AFG1L: variants seen among roughly 807,000 people sequenced by gnomAD.
The protein encoded by AFG1L is AFG1-like ATPase.
Under a neutral mutation model 62.2 loss-of-function variants are expected in AFG1L, and 53 were observed. The ratio of observed to expected loss-of-function variants is 0.85; its 90% CI spans 0.68 to 1.07. The LOEUF (loss-of-function observed/expected upper bound fraction) is 1.07. AFG1L is among the 50% of genes least tolerant of loss of function. The pLI is 0.00. For missense variants in AFG1L, 555 were observed against 590.5 expected (o/e 0.94, Z 0.62); for synonymous variants, 228 against 210.3 (o/e 1.08, Z -0.73).
intron 7 of AFG1L, among the ~76,000 whole-genome samples, chr6:108,443,601 G>A (rs148116760): frequency 6.0e-4 from 92 of 152,252 alleles, no homozygotes; most frequent in Non-Finnish European, 1.0e-3. Flanking sequence ...TTGACTGGGC[G>A]TGGTAGCTCA....
chr6:108,430,918 C>T (rs970847035), intron 7 of AFG1L, among the ~76,000 whole-genome samples: 2 of 152,010 alleles, frequency 1.3e-5, no homozygotes, highest in African/African-American at 4.8e-5. Flanking sequence ...TTTTCCACTC[C>T]CATGCCAAAT....
intron 8 of AFG1L, among the ~76,000 whole-genome samples, chr6:108,467,674 A>C (rs1772728903): frequency 6.6e-6 from 1 of 152,224 alleles, no homozygotes; most frequent in Admixed American, 6.5e-5. Flanking sequence ...GTCACAGTAC[A>C]TTGATTTATA....
chr6:108,322,108 A>G (rs1480444781), intron 1 of AFG1L, among the ~76,000 whole-genome samples: 4 of 152,074 alleles, frequency 2.6e-5, no homozygotes, highest in East Asian at 1.9e-4. Flanking sequence ...AGGTCCTACT[A>G]TGTTGCCCAG....
intron 2 of AFG1L, among the ~76,000 whole-genome samples, chr6:108,326,698 G>A (rs192384072): frequency 3.5e-4 from 54 of 152,276 alleles, no homozygotes; most frequent in African/African-American, 1.3e-3. Context: ...AGTGGCTCAC[G>A]CCTGTAATCC....
At chr6:108,371,704 G>A (rs1380543108) in intron 6 of AFG1L, among the ~76,000 whole-genome samples, 1 of 151,754 alleles carries the variant, frequency 6.6e-6, no homozygotes, top group Non-Finnish European at 1.5e-5. Context: ...TTTGTTTTTT[G>A]GTCTCTAGGG....
At chr6:108,469,136 T>C (rs1021345610) in intron 8 of AFG1L, among the ~76,000 whole-genome samples, 1 of 152,208 alleles carries the variant, frequency 6.6e-6, no homozygotes, top group Non-Finnish European at 1.5e-5. Context: ...TTTTATTGAT[T>C]GGTGGGCTTC....
At chr6:108,358,541 A>AT (rs1173035214) in intron 5 of AFG1L, among the ~76,000 whole-genome samples, 1 of 151,694 alleles carries the variant, frequency 6.6e-6, no homozygotes, top group African/African-American at 2.4e-5. Context: ...TTTTATTTTT[A>AT]TTTTTTTTGA....
chr6:108,423,237 A>G (rs1174112151), intron 7 of AFG1L, among the ~76,000 whole-genome samples: 2 of 152,130 alleles, frequency 1.3e-5, no homozygotes, highest in Non-Finnish European at 2.9e-5. Flanking sequence ...GATTCATGAA[A>G]CTGTCTTAGA....
chr6:108,385,075 C>T (rs943717046), intron 6 of AFG1L, among the ~76,000 whole-genome samples: 2 of 152,144 alleles, frequency 1.3e-5, no homozygotes, highest in Admixed American at 1.3e-4. Flanking sequence ...ATTCCAGAAA[C>T]TTAGTGAACT....
intron 5 of AFG1L, among the ~76,000 whole-genome samples, chr6:108,358,221 T>C (rs891325892): frequency 6.6e-6 from 1 of 152,246 alleles, no homozygotes; most frequent in Non-Finnish European, 1.5e-5. Context: ...TCTCTTGATT[T>C]TCCATTACTA....
chr6:108,497,845 T>C (rs371315035), intron 10 of AFG1L, among the ~76,000 whole-genome samples: 1 of 152,220 alleles, frequency 6.6e-6, no homozygotes. Context: ...GTAGCAAGTA[T>C]AGTGTTTTCG....
At chr6:108,376,316 T>G (rs898547928) in intron 6 of AFG1L, among the ~76,000 whole-genome samples, 1 of 152,106 alleles carries the variant, frequency 6.6e-6, no homozygotes, top group African/African-American at 2.4e-5. Context: ...TTTTGTTCAG[T>G]TGTGCTCTGA....
intron 2 of AFG1L, among the ~76,000 whole-genome samples, chr6:108,329,056 C>T (rs779324575): frequency 6.6e-6 from 1 of 151,638 alleles, no homozygotes; most frequent in Non-Finnish European, 1.5e-5. Flanking sequence ...TAGTATTTGT[C>T]TTATTCCCTC....
chr6:108,524,149 T>G lies in AFG1L; in HGVS notation c.*1724T>G, dbSNP rs527373358. The G allele has an allele frequency of 1.3e-5, 2 of 152,236 alleles. No individual in the cohort carries two copies. The highest frequency in any genetic ancestry group is 4.8e-5 in the African/African-American group (2 of 41,464). The allele number at this position is 152,236 out of a possible 1,614,324, so 9.4% of individuals were successfully genotyped here. On this transcript the variant is annotated 3_prime_UTR_variant, in exon 13 of 13. Coordinates refer to ENST00000368977, the MANE Select transcript of AFG1L (RefSeq NM_145315.5). Reference sequence around the variant, plus strand: ...AAAAAAAAGAGATTGTTTTAAAAATTGATTCATTTAACTCAGTGAATGAAG... The same window carrying G: ...AAAAAAAAGAGATTGTTTTAAAAATGGATTCATTTAACTCAGTGAATGAAG...
At chr6:108,463,081 G>A (rs565366644) in intron 8 of AFG1L, among the ~76,000 whole-genome samples, 43 of 152,094 alleles carry the variant, frequency 2.8e-4, no homozygotes, top group Middle Eastern at 6.8e-3. Flanking sequence ...ATTGAGGTCA[G>A]GAGTTCAAGA....
At chr6:108,355,598 A>G (rs1779242066) in intron 3 of AFG1L, 56 bp from the exon 4 acceptor site, 2 of 853,570 alleles carry the variant, frequency 2.3e-6, no homozygotes, top group Non-Finnish European at 3.6e-6. Flanking sequence ...AACAATCATT[A>G]CAGCAATCAG....
chr6:108,525,656 A>C lies in AFG1L; in HGVS notation c.*3231A>C, dbSNP rs1267180047. The C allele has an allele frequency of 6.6e-6, 1 of 152,252 alleles. No homozygotes were observed. Among genetic ancestry groups the C allele is most frequent in the Non-Finnish European group, 1.5e-5 (1 of 68,042 alleles). The allele number at this position is 152,252 out of a possible 1,614,324, so 9.4% of individuals were successfully genotyped here. On this transcript the variant is annotated 3_prime_UTR_variant, in exon 13 of 13. Coordinates refer to ENST00000368977, the MANE Select transcript of AFG1L (RefSeq NM_145315.5). ...AATAAACTCTTTTGATCCATATAAC[A>C]GTCTTATGAGATAGGTGCCATTATA... is the stretch of plus-strand genomic sequence containing the variant.
chr6:108,476,798 C>T, intron 8 of AFG1L, 67 bp from the exon 9 acceptor site: 1 of 1,138,334 alleles, frequency 8.8e-7, no homozygotes, highest in Non-Finnish European at 1.3e-6. Context: ...TAAGCAGTCT[C>T]AGGCAGCTGT....
At chr6:108,367,716 G>A (rs1054787590) in intron 6 of AFG1L, among the ~76,000 whole-genome samples, 1 of 152,174 alleles carries the variant, frequency 6.6e-6, no homozygotes, top group African/African-American at 2.4e-5. Context: ...CTGGGCTGGA[G>A]ATATACATTT....
Sources: gnomAD v4.1 joint callset for allele counts (sites outside exome capture counted in the v4.1 genomes callset) on GRCh38, gnomAD v4.1.1 for gene constraint, MANE v1.5 for transcripts, NCBI Gene and HGNC (gene_info 2026-07-23, HGNC 2026-07-21) for gene names.